KCNQ1OT1: variants seen among roughly 807,000 people sequenced by gnomAD.
The protein encoded by KCNQ1OT1 is KCNQ1 opposite strand/antisense transcript 1.
exon 1 of KCNQ1OT1, chr11:2,639,267 T>C (rs1216435926): frequency 1.3e-5 from 2 of 152,232 alleles, no homozygotes; most frequent in Admixed American, 1.3e-4. Context: ...GTGGCTGCGT[T>C]CCTTTGGATG....
At chr11:2,631,019 C>A in exon 1 of KCNQ1OT1, 1 of 398,460 alleles carries the variant, frequency 2.5e-6, no homozygotes, top group Non-Finnish European at 4.4e-6. Context: ...ATCTTGTCTT[C>A]CATTTTTTAC....
At position 2,690,346 on chromosome 11, in the gene KCNQ1OT1, C is replaced by T; in HGVS notation, n.9649G>A. On this transcript the variant is annotated non_coding_transcript_exon_variant, in exon 1 of 1. Coordinates refer to ENST00000597346, the Ensembl canonical transcript of KCNQ1OT1. This position sits in a 1 kb window ranked among gnomAD's most constrained non-coding sequence, Gnocchi z 5.1. Reference sequence around the variant, plus strand: ...TGATGTCAAGTCTGAGGCTGCCCTGCAGCTGCTGTTTCCACTACTTGGCAT... The same window carrying T: ...TGATGTCAAGTCTGAGGCTGCCCTGTAGCTGCTGTTTCCACTACTTGGCAT... The T allele has an allele frequency of 5.0e-6, 2 of 398,708 alleles. No individual in the cohort carries two copies. Among genetic ancestry groups the T allele is most frequent in the Non-Finnish European group, 4.4e-6 (1 of 226,106 alleles). 24.7% of individuals were successfully genotyped at this position (398,708 alleles called of 1,614,324 possible).
chr11:2,694,812 G>A (rs1466935191), exon 1 of KCNQ1OT1: 11 of 398,562 alleles, frequency 2.8e-5, no homozygotes, highest in Non-Finnish European at 4.9e-5. Flanking sequence ...CAGCTAGTGA[G>A]TGACTGAAGG....
At position 2,696,319 on chromosome 11, in the gene KCNQ1OT1, C is replaced by T. The variant is rs184511420; in HGVS notation, n.3676G>A. ...CAGTTAGGAATCCATATTCCTATTC[C>T]TCCATTTTAGGGCTGGCTTTCCAAC... On this transcript the variant is annotated non_coding_transcript_exon_variant, in exon 1 of 1. Coordinates refer to ENST00000597346, the Ensembl canonical transcript of KCNQ1OT1. 446 of 398,584 alleles carry T rather than the reference C, an allele frequency of 1.1e-3. 1 individual carries two copies. Among genetic ancestry groups the T allele is most frequent in the African/African-American group, 8.4e-3 (411 of 48,732 alleles). The allele number at this position is 398,584 out of a possible 1,614,324, so 24.7% of individuals were successfully genotyped here.
Position 2,683,489 on chromosome 11 carries a change from C to T in KCNQ1OT1, n.16506G>A, listed in dbSNP as rs958107429. The T allele has an allele frequency of 2.5e-6, 1 of 398,464 alleles. No homozygotes were observed. Among genetic ancestry groups the T allele is most frequent in the Non-Finnish European group, 4.4e-6 (1 of 226,054 alleles). The allele number at this position is 398,464 out of a possible 1,614,324, so 24.7% of individuals were successfully genotyped here. A position where few individuals can be genotyped will look rare whatever the true frequency, so the allele number is the denominator to read the frequency against. On this transcript the variant is annotated non_coding_transcript_exon_variant, in exon 1 of 1. Coordinates refer to ENST00000597346, the Ensembl canonical transcript of KCNQ1OT1. This position sits in a 1 kb window ranked among gnomAD's most constrained non-coding sequence, Gnocchi z 4.7. ...ATCAATGACAGTTTTCCTATTAAAA[C>T]ATAACTTGTTAAAGCATAGAGCTTA...
chr11:2,642,041 A>T lies in KCNQ1OT1; in HGVS notation n.57954T>A, dbSNP rs1849588055. 1 of 398,284 alleles carries T rather than the reference A, an allele frequency of 2.5e-6. No homozygotes were observed. Among genetic ancestry groups the T allele is most frequent in the African/African-American group, 2.1e-5 (1 of 48,606 alleles). The allele number at this position is 398,284 out of a possible 1,614,324, so 24.7% of individuals were successfully genotyped here. On this transcript the variant is annotated non_coding_transcript_exon_variant, in exon 1 of 1. Transcript: ENST00000597346. The surrounding 1 kb of genome is among the most constrained non-coding windows in gnomAD (Gnocchi z 4.3). ...TTTAATGCTATAGCCTTATATTTTT[A>T]AATCAGGCAGTGTGATGCATCCAAC...
Position 2,661,472 on chromosome 11 carries a change from C to A in KCNQ1OT1, n.38523G>T. 2.3e-6 allele frequency: 1 copy of A among 435,906 alleles called. No homozygotes were observed. The highest frequency in any genetic ancestry group is 3.8e-5 in the Admixed American group (1 of 26,090). 27.0% of individuals were successfully genotyped at this position (435,906 alleles called of 1,614,324 possible). A position where few individuals can be genotyped will look rare whatever the true frequency, so the allele number is the denominator to read the frequency against. ...TTTTGAGGAAGGAGTTCTGTGGCTG[C>A]CCCCACCTCCCAGGCTTGCCATTCC... is the stretch of plus-strand genomic sequence containing the variant. On this transcript the variant is annotated non_coding_transcript_exon_variant, in exon 1 of 1. Transcript: ENST00000597346. The surrounding 1 kb of genome is among the most constrained non-coding windows in gnomAD (Gnocchi z 5.9).
chr11:2,664,150 C>A lies in KCNQ1OT1; in HGVS notation n.35845G>T. 2.5e-6 allele frequency: 1 copy of A among 398,714 alleles called. No homozygotes were observed. Among genetic ancestry groups the A allele is most frequent in the Non-Finnish European group, 4.4e-6 (1 of 226,142 alleles). The allele number at this position is 398,714 out of a possible 1,614,324, so 24.7% of individuals were successfully genotyped here. ...TAACTTACCAAGGCCTCTCTCAGAG[C>A]AGGCTGTTCCAAAAGTGGCTGCTAG... On this transcript the variant is annotated non_coding_transcript_exon_variant, in exon 1 of 1. Transcript: ENST00000597346. This position sits in a 1 kb window ranked among gnomAD's most constrained non-coding sequence, Gnocchi z 5.1.
chr11:2,636,053 G>A (rs1231291763), exon 1 of KCNQ1OT1: 1 of 152,232 alleles, frequency 6.6e-6, no homozygotes, highest in Non-Finnish European at 1.5e-5. Flanking sequence ...AGACTTTGTT[G>A]AAGTTGCTTA....
rs1849172783 is a variant in KCNQ1OT1, at chr11:2,621,550, A to G, written n.78445T>C. The G allele has an allele frequency of 5.0e-6, 2 of 398,256 alleles. No homozygotes were observed. Among genetic ancestry groups the G allele is most frequent in the South Asian group, 1.3e-4 (1 of 7,854 alleles). 24.7% of individuals were successfully genotyped at this position (398,256 alleles called of 1,614,324 possible). ...TTGCTATGCAGAAGCTCTTTAGTTT[A>G]CCACTGTGATCTCTTTGCTATTGGT... On this transcript the variant is annotated non_coding_transcript_exon_variant, in exon 1 of 1. Transcript: ENST00000597346. This position sits in a 1 kb window ranked among gnomAD's most constrained non-coding sequence, Gnocchi z 5.7.
At chr11:2,648,371 T>C in exon 1 of KCNQ1OT1, 1 of 398,640 alleles carries the variant, frequency 2.5e-6, no homozygotes, top group East Asian at 3.6e-5. Context: ...AGGTTATTTG[T>C]TTAAAAACTT....
chr11:2,694,147 A>G (rs1418751763), exon 1 of KCNQ1OT1: 1 of 398,578 alleles, frequency 2.5e-6, no homozygotes, highest in South Asian at 1.3e-4. Context: ...TATACTGCTG[A>G]CCAGGGAAGA....
chr11:2,686,654 C>T (rs1850494909), exon 1 of KCNQ1OT1: 3 of 398,504 alleles, frequency 7.5e-6, no homozygotes, highest in South Asian at 1.3e-4. Context: ...AGAGCATGGC[C>T]GCTGGATCAA....
At chr11:2,615,296 T>G in exon 1 of KCNQ1OT1, 1 of 398,096 alleles carries the variant, frequency 2.5e-6, no homozygotes, top group Non-Finnish European at 4.4e-6. Context: ...CTCTACTAGT[T>G]TGTGGATTCT....
exon 1 of KCNQ1OT1, chr11:2,675,630 T>G (rs1299476420): frequency 5.0e-6 from 2 of 398,510 alleles, no homozygotes; most frequent in Non-Finnish European, 8.8e-6. Context: ...CACCCCTTAT[T>G]AGAGGGTGGT....
At position 2,621,201 on chromosome 11, in the gene KCNQ1OT1, T is replaced by C. The variant is rs1451645980; in HGVS notation, n.78794A>G. 3 of 397,148 alleles carry C rather than the reference T, an allele frequency of 7.6e-6. No individual in the cohort carries two copies. The highest frequency in any genetic ancestry group is 8.9e-6 in the Non-Finnish European group (2 of 225,756). 24.6% of individuals were successfully genotyped at this position (397,148 alleles called of 1,614,324 possible). On this transcript the variant is annotated non_coding_transcript_exon_variant, in exon 1 of 1. Coordinates refer to ENST00000597346, the Ensembl canonical transcript of KCNQ1OT1. This position sits in a 1 kb window ranked among gnomAD's most constrained non-coding sequence, Gnocchi z 5.7. ...CCATGTTGGCCAGGATGGTCTCGAA[T>C]ACCTGACCCCAGATGATCCACGCAC...
Position 2,668,124 on chromosome 11 carries a change from AGCC to A in KCNQ1OT1, n.31868_31870del. 1 of 398,652 alleles carries A rather than the reference AGCC, an allele frequency of 2.5e-6. No homozygotes were observed. Among genetic ancestry groups the A allele is most frequent in the South Asian group, 1.3e-4 (1 of 7,856 alleles). 24.7% of individuals were successfully genotyped at this position (398,652 alleles called of 1,614,324 possible). The stretch of plus-strand genomic sequence containing the variant: ...TCCCTCACTCAATTTGATGTCTGGC[AGCC>A]TCTCTATGGGGCTGAAGGGAGAGTG... On this transcript the variant is annotated non_coding_transcript_exon_variant, in exon 1 of 1. Transcript: ENST00000597346. The surrounding 1 kb of genome is among the most constrained non-coding windows in gnomAD (Gnocchi z 4.3).
exon 1 of KCNQ1OT1, chr11:2,648,014 G>T: frequency 2.5e-6 from 1 of 393,996 alleles, no homozygotes; most frequent in South Asian, 1.4e-4. Flanking sequence ...AGGAGTTTGA[G>T]ACCAGCCTGA....
Position 2,661,536 on chromosome 11 carries a change from C to T in KCNQ1OT1, n.38459G>A. ...GTCCTATCACCCCATCTTTCCTGAC[C>T]CACTACTCTGTCAATGTATGAGTGT... On this transcript the variant is annotated non_coding_transcript_exon_variant, in exon 1 of 1. Transcript: ENST00000597346. This position sits in a 1 kb window ranked among gnomAD's most constrained non-coding sequence, Gnocchi z 5.9. The T allele has an allele frequency of 2.0e-6, 1 of 498,212 alleles. No individual in the cohort carries two copies. The highest frequency in any genetic ancestry group is 3.0e-5 in the East Asian group (1 of 33,310). 30.9% of individuals were successfully genotyped at this position (498,212 alleles called of 1,614,324 possible). A position where few individuals can be genotyped will look rare whatever the true frequency, so the allele number is the denominator to read the frequency against.
Sources: gnomAD v4.1 joint callset for allele counts on GRCh38, gnomAD v4.1.1 for gene constraint, Gnocchi (gnomAD v3.1) non-coding constraint, MANE v1.5 for transcripts, NCBI Gene and HGNC (gene_info 2026-07-23, HGNC 2026-07-21) for gene names.